Variants in DCHS2 observed in about 807,000 individuals in gnomAD.
DCHS2 encodes protocadherin-23.
Under a neutral mutation model 182.4 loss-of-function variants are expected in DCHS2, and 142 were observed. The ratio of observed to expected loss-of-function variants is 0.78; its 90% CI spans 0.68 to 0.89. The LOEUF is 0.89. DCHS2 is among the 40% of genes least tolerant of loss of function. DCHS2 has a pLI of 0.00. For missense variants in DCHS2, 4,319 were observed against 4,198.6 expected (o/e 1.03, Z -0.79); for synonymous variants, 1,740 against 1,663.3 (o/e 1.05, Z -1.12).
chr4:154,357,340 G>C, intron 3 of DCHS2: 1 of 1,554,944 alleles, frequency 6.4e-7, no homozygotes, highest in South Asian at 1.1e-5. Flanking sequence ...TAGGGAAAAG[G>C]AGCCAGGCTG....
chr4:154,436,748 A>C (rs905234790), intron 1 of DCHS2, among the ~76,000 whole-genome samples: 2 of 152,244 alleles, frequency 1.3e-5, no homozygotes, highest in African/African-American at 4.8e-5. Flanking sequence ...TCAATATGGT[A>C]GCTAGTAGCC....
chr4:154,491,343 C>T lies in DCHS2; in HGVS notation c.13G>A (p.Gly5Arg). ...TGACGCCCTTCGCCCATCTTCCGCC[C>T]ACAAGGGCTCATTTCTCCTCCAGCT... is the stretch of plus-strand genomic sequence containing the variant. Reference protein sequence around the residue: MSPCGRKMGEGRQQR... With the variant: MSPCRRKMGEGRQQR... Residue 5 changes from glycine to arginine, a missense_variant, in exon 1 of 20, where the codon GGG becomes AGG. Gly to Arg is a moderately radical substitution (Grantham distance 125). Transcript: ENST00000357232. The T allele has an allele frequency of 6.5e-7, 1 of 1,534,192 alleles. No homozygotes were observed. Among genetic ancestry groups the T allele is most frequent in the East Asian group, 2.5e-5 (1 of 40,544 alleles).
rs1553950394 is a variant in DCHS2, at chr4:154,420,246, C to CAGACAGAT, written c.2053-42803_2053-42802insATCTGTCT. ...ACAGAACCGATGGGAGACAGACAGA[C>CAGACAGAT]AGATAGATAGATAGATAGATAGATA... On this transcript the variant is annotated intron_variant, in intron 1 of 19. Transcript: ENST00000357232. Among the ~76,000 whole-genome samples the CAGACAGAT allele has an allele frequency of 3.5e-3, 511 of 144,838 alleles. 3 individuals carry two copies. Among genetic ancestry groups the CAGACAGAT allele is most frequent in the African/African-American group, 9.9e-3 (379 of 38,366 alleles).
chr4:154,341,195 C>T (rs1415957066), intron 3 of DCHS2, among the ~76,000 whole-genome samples: 3 of 151,984 alleles, frequency 2.0e-5, no homozygotes, highest in South Asian at 2.1e-4. Flanking sequence ...AGTGAAACTC[C>T]GTCTCTCCTA....
At chr4:154,434,012 T>C (rs1256179156) in intron 1 of DCHS2, among the ~76,000 whole-genome samples, 3 of 152,222 alleles carry the variant, frequency 2.0e-5, no homozygotes, top group African/African-American at 4.8e-5. Flanking sequence ...CATATGATGA[T>C]AGATGAAGAT....
intron 5 of DCHS2, 28 bp downstream of exon 5, chr4:154,332,450 G>A (rs768683910): frequency 1.9e-6 from 3 of 1,555,022 alleles, no homozygotes; most frequent in Non-Finnish European, 2.6e-6. Flanking sequence ...TCATTTTAAA[G>A]GAATAGGTGG....
intron 1 of DCHS2, among the ~76,000 whole-genome samples, chr4:154,434,162 G>T (rs1345992171): frequency 6.6e-6 from 1 of 152,228 alleles, no homozygotes; most frequent in Non-Finnish European, 1.5e-5. Context: ...GGCTGGGCAT[G>T]ATGGCTCATG....
At position 154,489,969 on chromosome 4, in the gene DCHS2, C is replaced by G. The variant is rs544048684; in HGVS notation, c.1387G>C (p.Gly463Arg). ...EATGELGVGL[G>R]DGSISLSLEG... ...AAGGACAGAGAGATGCTCCCGTCTC[C>G]AAGACCCACACCAAGCTCCCCTGTG... Residue 463 changes from glycine (G) to arginine (R), a missense_variant, in exon 1 of 20, where the codon GGA (glycine) becomes CGA (arginine). Transcript: ENST00000357232. The G allele has an allele frequency of 3.9e-6, 6 of 1,547,964 alleles. No individual in the cohort carries two copies. Among genetic ancestry groups the G allele is most frequent in the Middle Eastern group, 1.7e-4 (1 of 5,976 alleles).
intron 2 of DCHS2, among the ~76,000 whole-genome samples, chr4:154,375,862 T>C (rs897906130): frequency 6.6e-6 from 1 of 152,174 alleles, no homozygotes; most frequent in African/African-American, 2.4e-5. Flanking sequence ...GTTAAAATTA[T>C]TGTATATTCA....
intron 10 of DCHS2, among the ~76,000 whole-genome samples, chr4:154,308,837 T>C (rs1735559990): frequency 6.6e-6 from 1 of 152,170 alleles, no homozygotes; most frequent in Non-Finnish European, 1.5e-5. Flanking sequence ...TAGCACCGGA[T>C]ACAGATAAGC....
intron 16 of DCHS2, among the ~76,000 whole-genome samples, chr4:154,251,106 A>T (rs1485313480): frequency 1.3e-5 from 2 of 152,200 alleles, no homozygotes; most frequent in Non-Finnish European, 2.9e-5. Context: ...ATTTTGAAAA[A>T]GATAATTAAC....
At chr4:154,478,220 G>T (rs1051667043) in intron 1 of DCHS2, among the ~76,000 whole-genome samples, 3 of 152,100 alleles carry the variant, frequency 2.0e-5, no homozygotes, top group Non-Finnish European at 4.4e-5. Flanking sequence ...ATTTTCAAAG[G>T]ACTCTTACTA....
rs138007404 is a variant in DCHS2 at position 154,458,210 on chromosome 4, C to A, written c.2052+31094G>T. On this transcript the variant is annotated intron_variant, in intron 1 of 19. Coordinates refer to ENST00000357232, the MANE Select transcript of DCHS2 (RefSeq NM_001358235.2). ...AAATACTTCAATTTAGAACAAGTTT[C>A]TATCACCCAAAGAGAAACAATATTT... is the stretch of plus-strand genomic sequence containing the variant. Among the ~76,000 whole-genome samples the A allele has an allele frequency of 3.0e-3, 338 of 111,722 alleles. 1 individual carries two copies. The highest frequency in any genetic ancestry group is 8.8e-3 in the African/African-American group (323 of 36,892). The allele number at this position is 111,722 out of a possible 152,430, so 73.3% of individuals were successfully genotyped here.
chr4:154,441,243 T>C (rs895447976), intron 1 of DCHS2, among the ~76,000 whole-genome samples: 2 of 152,208 alleles, frequency 1.3e-5, no homozygotes, highest in African/African-American at 4.8e-5. Flanking sequence ...ATCTTCAATA[T>C]GATAATACAG....
Position 154,238,095 on chromosome 4 carries a change from C to T in DCHS2, c.7493-936G>A, listed in dbSNP as rs149039300. Among the ~76,000 whole-genome samples the T allele has an allele frequency of 6.4e-3, 726 of 113,876 alleles. 3 individuals carry two copies. In the Middle Eastern group the frequency reaches 0.08, roughly 13 times the overall value. 74.7% of individuals were successfully genotyped at this position (113,876 alleles called of 152,430 possible). A position where few individuals can be genotyped will look rare whatever the true frequency, so the allele number is the denominator to read the frequency against. On this transcript the variant is annotated intron_variant, in intron 19 of 19. Coordinates refer to ENST00000357232, the MANE Select transcript of DCHS2 (RefSeq NM_001358235.2). ...CTTGCACACTGTGATTTGCTGTGGC[C>T]GGGGTGGCAGTTGCCATCATCTGAG...
At chr4:154,472,761 T>C (rs989049948) in intron 1 of DCHS2, among the ~76,000 whole-genome samples, 4 of 151,882 alleles carry the variant, frequency 2.6e-5, no homozygotes, top group African/African-American at 9.7e-5. Context: ...CTGCCCACAA[T>C]ACACAAACAC....
At chr4:154,488,555 CACTT>C (rs768475930) in intron 1 of DCHS2, among the ~76,000 whole-genome samples, 20 of 152,006 alleles carry the variant, frequency 1.3e-4, no homozygotes, top group African/African-American at 3.4e-4. Context: ...TTTAAAAACT[CACTT>C]ACGAGAACTA....
Position 154,349,092 on chromosome 4 carries a change from C to A in DCHS2, c.2477-13988G>T, listed in dbSNP as rs1224081376. Reference sequence around the variant, plus strand: ...ATATTGCCAAAAGACAAAATGACAACAAATTTAGTTTAAAGATCTTAATTG... The same window carrying A: ...ATATTGCCAAAAGACAAAATGACAAAAAATTTAGTTTAAAGATCTTAATTG... On this transcript the variant is annotated intron_variant, in intron 3 of 19. Coordinates refer to ENST00000357232, the MANE Select transcript of DCHS2 (RefSeq NM_001358235.2). 2.6e-5 allele frequency among the ~76,000 whole-genome samples: 4 copies of A among 151,908 alleles called. 1 individual carries two copies. Among genetic ancestry groups the A allele is most frequent in the African/African-American group, 9.7e-5 (4 of 41,204 alleles).
chr4:154,454,132 C>T (rs200302291), intron 1 of DCHS2, among the ~76,000 whole-genome samples: 18 of 70,190 alleles, frequency 2.6e-4, no homozygotes, highest in East Asian at 2.0e-3. Flanking sequence ...CACACATGCG[C>T]GCGCACACAC....
Sources: gnomAD v4.1 joint callset for allele counts (sites outside exome capture counted in the v4.1 genomes callset) on GRCh38, gnomAD v4.1.1 for gene constraint, MANE v1.5 for transcripts, NCBI Gene and HGNC (gene_info 2026-07-23, HGNC 2026-07-21) for gene names.